Variants in GRIA1 observed in about 807,000 individuals in gnomAD.
GRIA1 encodes the protein glutamate ionotropic receptor AMPA type subunit 1, also known as glutamate receptor 1.
A neutral mutation model predicts 99.2 loss-of-function variants in GRIA1; 31 were observed. That is an observed-to-expected ratio of 0.31 (90% CI 0.23 to 0.42). The LOEUF is 0.42. GRIA1 is among the 10% of genes least tolerant of loss of function. The probability of loss-of-function intolerance (pLI) is 1.00; values close to 1 mark genes in which losing one functional copy is unlikely to be tolerated. For missense variants in GRIA1, 782 were observed against 1,157.5 expected (o/e 0.68, Z 4.71); for synonymous variants, 438 against 432.4 (o/e 1.01, Z -0.16).
chr5:153,579,965 G>C (rs567886753), intron 2 of GRIA1, among the ~76,000 whole-genome samples: 43 of 152,180 alleles, frequency 2.8e-4, no homozygotes, highest in African/African-American at 9.9e-4. Flanking sequence ...TCACACTTTA[G>C]AAAATATTTG....
chr5:153,723,982 T>G (rs558097475), intron 11 of GRIA1, among the ~76,000 whole-genome samples: 1 of 152,242 alleles, frequency 6.6e-6, no homozygotes, highest in Non-Finnish European at 1.5e-5. Context: ...GCAGCCTAAC[T>G]GGGAGGCGCC....
At chr5:153,738,879 C>T (rs991757027) in intron 11 of GRIA1, among the ~76,000 whole-genome samples, 1 of 151,946 alleles carries the variant, frequency 6.6e-6, no homozygotes, top group South Asian at 2.1e-4. Context: ...TGCACCACCA[C>T]GTCCGGCTAA....
chr5:153,704,156 T>C (rs1758724264), intron 10 of GRIA1, among the ~76,000 whole-genome samples: 2 of 152,200 alleles, frequency 1.3e-5, no homozygotes, highest in Non-Finnish European at 2.9e-5. Flanking sequence ...TTCTCAATAA[T>C]CCCAGACAAT....
chr5:153,699,100 AGAGGGCG>A, intron 10 of GRIA1, 27 bp downstream of exon 10: 1 of 1,514,314 alleles, frequency 6.6e-7, no homozygotes, highest in Non-Finnish European at 9.2e-7. Context: ...GTGGGAAATT[AGAGGGCG>A]GAGGCAGAGG....
At position 153,528,924 on chromosome 5, in the gene GRIA1, G is replaced by T. The variant is rs1026334589; in HGVS notation, c.220+34859G>T. Among the ~76,000 whole-genome samples, 4 of 152,188 alleles carry T rather than the reference G, an allele frequency of 2.6e-5. No homozygotes were observed. The East Asian group carries it at 7.8e-4, about 30-fold the overall frequency. ...CCTCCCTTAATGTCTATGTGTCCTT[G>T]CATAGGTTGGTTACCAGAGTAGATA... is the stretch of plus-strand genomic sequence containing the variant. On this transcript the variant is annotated intron_variant, in intron 2 of 15. Coordinates refer to ENST00000285900, the MANE Select transcript of GRIA1 (RefSeq NM_000827.4).
intron 2 of GRIA1, among the ~76,000 whole-genome samples, chr5:153,578,832 C>T (rs969116339): frequency 6.6e-5 from 10 of 152,208 alleles, no homozygotes; most frequent in African/African-American, 1.9e-4. Flanking sequence ...TGCTTGAACC[C>T]GCCAGGTGGA....
intron 2 of GRIA1, among the ~76,000 whole-genome samples, chr5:153,581,820 C>T (rs949576972): frequency 5.3e-5 from 8 of 151,176 alleles, no homozygotes; most frequent in South Asian, 2.1e-4. Flanking sequence ...GCATGATCTC[C>T]GCTCACTGCA....
chr5:153,748,829 T>C lies in GRIA1; in HGVS notation c.1824-15605T>C, dbSNP rs1395416903. ...CTTCTATTTATTTGCACATTTTTTG[T>C]GAGGGTTCATTGAGAATTTTGAATT... On this transcript the variant is annotated intron_variant, in intron 11 of 15. Coordinates refer to ENST00000285900, the MANE Select transcript of GRIA1 (RefSeq NM_000827.4). Among the ~76,000 whole-genome samples the C allele has an allele frequency of 8.5e-5, 13 of 152,122 alleles. 1 individual carries two copies. Among genetic ancestry groups the C allele is most frequent in the Admixed American group, 6.5e-4 (10 of 15,274 alleles).
intron 8 of GRIA1, among the ~76,000 whole-genome samples, chr5:153,696,520 G>A (rs1449775864): frequency 6.6e-6 from 1 of 152,216 alleles, no homozygotes; most frequent in Non-Finnish European, 1.5e-5. Flanking sequence ...CTCTGACATA[G>A]CAAGAGCATC....
chr5:153,576,371 G>T (rs1762530477), intron 2 of GRIA1, among the ~76,000 whole-genome samples: 1 of 152,220 alleles, frequency 6.6e-6, no homozygotes, highest in Admixed American at 6.5e-5. Context: ...AACACTGGGA[G>T]AAGAGATGAG....
Position 153,723,473 on chromosome 5 carries a change from G to T in GRIA1, c.1823+17406G>T, listed in dbSNP as rs372407123. Among the ~76,000 whole-genome samples the T allele has an allele frequency of 4.2e-4, 64 of 152,370 alleles. No homozygotes were observed. The East Asian group carries it at 0.011, about 27-fold the overall frequency. Reference sequence around the variant, plus strand: ...CACTCGGGAAACGCAAGGGATCAGGGAGTTCCCTTTCCTAGTCAAAGAAAG... The same window carrying T: ...CACTCGGGAAACGCAAGGGATCAGGTAGTTCCCTTTCCTAGTCAAAGAAAG... On this transcript the variant is annotated intron_variant, in intron 11 of 15. Coordinates refer to ENST00000285900, the MANE Select transcript of GRIA1 (RefSeq NM_000827.4).
chr5:153,677,549 T>A (rs952324562), intron 7 of GRIA1, among the ~76,000 whole-genome samples: 6 of 152,236 alleles, frequency 3.9e-5, no homozygotes, highest in African/African-American at 1.4e-4. Context: ...GCACACATTG[T>A]ATGAGAGCCT....
intron 2 of GRIA1, chr5:153,525,470 T>C (rs1181142090): frequency 6.6e-6 from 1 of 151,880 alleles, no homozygotes; most frequent in Non-Finnish European, 1.5e-5. Flanking sequence ...ACCCCATAAA[T>C]ATATATACCT....
intron 11 of GRIA1, among the ~76,000 whole-genome samples, chr5:153,714,697 G>A: frequency 6.6e-6 from 1 of 152,220 alleles, no homozygotes; most frequent in Non-Finnish European, 1.5e-5. Flanking sequence ...GAATTGACGA[G>A]GAAAGTATGC....
rs576812612 is a variant in GRIA1 at position 153,641,261 on chromosome 5, C to T, written c.221-5667C>T. Reference sequence around the variant, plus strand: ...AGGGACAGGAGCCAAGGAGAAATGTCGGTGTGAGAGGCCTTAAATGAAGTG... The same window carrying T: ...AGGGACAGGAGCCAAGGAGAAATGTTGGTGTGAGAGGCCTTAAATGAAGTG... On this transcript the variant is annotated intron_variant, in intron 2 of 15. Coordinates refer to ENST00000285900, the MANE Select transcript of GRIA1 (RefSeq NM_000827.4). Among the ~76,000 whole-genome samples, 12 of 152,118 alleles carry T rather than the reference C, an allele frequency of 7.9e-5. No homozygotes were observed. The East Asian group carries it at 2.1e-3, about 27-fold the overall frequency.
At chr5:153,554,709 G>T (rs1760465398) in intron 2 of GRIA1, among the ~76,000 whole-genome samples, 1 of 152,132 alleles carries the variant, frequency 6.6e-6, no homozygotes, top group Admixed American at 6.5e-5. Flanking sequence ...GGCCAGGCTG[G>T]TCACAAACTG....
chr5:153,521,519 G>A (rs1027270922), intron 2 of GRIA1, among the ~76,000 whole-genome samples: 3 of 152,168 alleles, frequency 2.0e-5, no homozygotes, highest in East Asian at 1.9e-4. Context: ...AGATCTTCCC[G>A]GGCAAAAAGA....
intron 11 of GRIA1, among the ~76,000 whole-genome samples, chr5:153,739,527 G>A (rs373745765): frequency 6.6e-5 from 10 of 152,262 alleles, no homozygotes; most frequent in East Asian, 5.8e-4. Flanking sequence ...TCCCATCTGC[G>A]CCAGGGTTCA....
intron 2 of GRIA1, among the ~76,000 whole-genome samples, chr5:153,582,942 G>T (rs900610020): frequency 1.4e-4 from 22 of 151,956 alleles, no homozygotes; most frequent in African/African-American, 5.3e-4. Context: ...GACTACAGGG[G>T]GTGTGCCACC....
Sources: gnomAD v4.1 joint callset for allele counts (sites outside exome capture counted in the v4.1 genomes callset) on GRCh38, gnomAD v4.1.1 for gene constraint, MANE v1.5 for transcripts, NCBI Gene and HGNC (gene_info 2026-07-23, HGNC 2026-07-21) for gene names.